PTPRD: variants seen among roughly 807,000 people sequenced by gnomAD.
The protein encoded by PTPRD is receptor-type tyrosine-protein phosphatase delta.
PTPRD carries 34 observed loss-of-function variants against 214.5 expected under a neutral mutation model. That is an observed-to-expected ratio of 0.16 (90% CI 0.12 to 0.21). PTPRD has a LOEUF of 0.21. Among genes scored for constraint, PTPRD ranks in the 10% least tolerant of loss-of-function variants. The probability of loss-of-function intolerance (pLI) is 1.00; values close to 1 mark genes in which losing one functional copy is unlikely to be tolerated. For synonymous variants in PTPRD, 1,128 were observed against 845.7 expected, an observed-to-expected ratio of 1.33 and a Z score of -5.79; for missense variants, 2,545 against 2,398.7, an observed-to-expected ratio of 1.06 and a Z score of -1.27.
intron 2 of PTPRD, among the ~76,000 whole-genome samples, chr9:10,582,947 G>C (rs2072490478): frequency 6.6e-6 from 1 of 152,170 alleles, no homozygotes; most frequent in Admixed American, 6.5e-5. Flanking sequence ...AGGATAGAGG[G>C]AGGAAAAAAT....
At chr9:10,429,664 A>G (rs953654848) in intron 2 of PTPRD, among the ~76,000 whole-genome samples, 1 of 151,424 alleles carries the variant, frequency 6.6e-6, no homozygotes, top group South Asian at 2.1e-4. Flanking sequence ...TAATATATAG[A>G]TATATATTCT....
chr9:8,681,895 A>C (rs990327537), intron 12 of PTPRD, among the ~76,000 whole-genome samples: 2 of 152,204 alleles, frequency 1.3e-5, no homozygotes, highest in Admixed American at 6.5e-5. Context: ...ACATTCTTGG[A>C]AACCAGTACA....
At chr9:9,775,008 T>C (rs974807236) in intron 5 of PTPRD, among the ~76,000 whole-genome samples, 2 of 152,158 alleles carry the variant, frequency 1.3e-5, no homozygotes, top group African/African-American at 4.8e-5. Flanking sequence ...AAATGTAGCA[T>C]TAGTACCTGA....
chr9:9,610,193 T>C (rs904412673), intron 7 of PTPRD, among the ~76,000 whole-genome samples: 6 of 152,138 alleles, frequency 3.9e-5, no homozygotes, highest in African/African-American at 1.4e-4. Flanking sequence ...TTCAACGTAA[T>C]AAGAGCCACG....
chr9:8,502,863 T>TATATATAC (rs1554658869), intron 23 of PTPRD, among the ~76,000 whole-genome samples: 23 of 150,348 alleles, frequency 1.5e-4, no homozygotes, highest in South Asian at 4.2e-4. Flanking sequence ...TATATATATA[T>TATATATAC]ACACACACAC....
chr9:10,549,505 T>A (rs2060852964), intron 2 of PTPRD, among the ~76,000 whole-genome samples: 2 of 152,140 alleles, frequency 1.3e-5, no homozygotes, highest in Admixed American at 6.5e-5. Flanking sequence ...CAGGACTCAT[T>A]CCAGCAGAGA....
intron 3 of PTPRD, among the ~76,000 whole-genome samples, chr9:10,148,508 C>A (rs975603880): frequency 1.3e-5 from 2 of 152,074 alleles, no homozygotes; most frequent in African/African-American, 4.8e-5. Context: ...TCACAGTATG[C>A]TATGTATCAT....
chr9:10,583,813 T>C (rs1248114271), intron 2 of PTPRD, among the ~76,000 whole-genome samples: 8 of 152,122 alleles, frequency 5.3e-5, no homozygotes, highest in African/African-American at 1.7e-4. Flanking sequence ...TATTGATAGC[T>C]ATGCTCTTTG....
intron 3 of PTPRD, among the ~76,000 whole-genome samples, chr9:10,325,964 T>C (rs955441468): frequency 1.3e-5 from 2 of 151,878 alleles, no homozygotes; most frequent in Non-Finnish European, 2.9e-5. Context: ...TGCTTTCAGA[T>C]CATTTTGTTT....
At chr9:9,065,708 T>C (rs991172662) in intron 10 of PTPRD, among the ~76,000 whole-genome samples, 7 of 152,164 alleles carry the variant, frequency 4.6e-5, no homozygotes, top group African/African-American at 1.2e-4. Context: ...ATCAGAGTTT[T>C]AGACTACAAA....
At position 10,600,832 on chromosome 9, in the gene PTPRD, C is replaced by A. The variant is rs184287359; in HGVS notation, c.-600+11566G>T. Among the ~76,000 whole-genome samples the A allele has an allele frequency of 9.9e-5, 15 of 151,780 alleles. No homozygotes were observed. The East Asian group carries it at 2.5e-3, about 26-fold the overall frequency. ...CTCATACAGAGTACTATATATGATACTCTGAAATCAGATTCAAAATTAGTG... is the reference window on the plus strand; with the variant it reads ...CTCATACAGAGTACTATATATGATAATCTGAAATCAGATTCAAAATTAGTG... On this transcript the variant is annotated intron_variant, in intron 2 of 45. Transcript: ENST00000381196.
At chr9:9,255,967 G>C (rs2099977524) in intron 9 of PTPRD, among the ~76,000 whole-genome samples, 1 of 151,976 alleles carries the variant, frequency 6.6e-6, no homozygotes, top group Admixed American at 6.6e-5. Flanking sequence ...TCAGTTTTTG[G>C]ATTACAGGGC....
At chr9:10,434,378 A>G (rs2098703417) in intron 2 of PTPRD, among the ~76,000 whole-genome samples, 1 of 151,952 alleles carries the variant, frequency 6.6e-6, no homozygotes. Flanking sequence ...AGTTCAATTA[A>G]TAACTAAAAT....
At chr9:9,111,220 A>AG (rs570378740) in intron 10 of PTPRD, among the ~76,000 whole-genome samples, 87 of 151,966 alleles carry the variant, frequency 5.7e-4, no homozygotes, top group Non-Finnish European at 1.1e-3. Flanking sequence ...GAAAAAAAAA[A>AG]AAAAGAAAAG....
rs1191367665 is a variant in PTPRD at position 9,665,129 on chromosome 9, A to C, written c.-287+69404T>G. On this transcript the variant is annotated intron_variant, in intron 7 of 45. Coordinates refer to ENST00000381196, the MANE Select transcript of PTPRD (RefSeq NM_002839.4). The stretch of plus-strand genomic sequence containing the variant: ...CATCTATGTGTGTATGTGGGGAGAG[A>C]GAGAGGGGTGAGGAATAATTACTCA... Among the ~76,000 whole-genome samples the C allele has an allele frequency of 2.0e-5, 3 of 151,620 alleles. No individual in the cohort carries two copies. The Admixed American group carries it at 2.0e-4, about 10-fold the overall frequency.
chr9:9,513,612 C>CAT (rs34292458), intron 8 of PTPRD, among the ~76,000 whole-genome samples: 136,331 of 151,178 alleles, frequency 0.9, 61,693 homozygotes, highest in African/African-American at 0.98. Context: ...TAAAAAATCT[C>CAT]AGTCTCATTT....
At chr9:10,097,034 G>A (rs1189099258) in intron 3 of PTPRD, among the ~76,000 whole-genome samples, 1 of 151,836 alleles carries the variant, frequency 6.6e-6, no homozygotes, top group Non-Finnish European at 1.5e-5. Flanking sequence ...GTTTGTCAAA[G>A]ATCAGATAGT....
At chr9:10,511,461 T>C (rs1310190368) in intron 2 of PTPRD, among the ~76,000 whole-genome samples, 2 of 152,078 alleles carry the variant, frequency 1.3e-5, no homozygotes, top group African/African-American at 2.4e-5. Flanking sequence ...TGTAGTGCGA[T>C]GGTGCTATCT....
intron 4 of PTPRD, among the ~76,000 whole-genome samples, chr9:9,982,690 AG>A (rs1350965424): frequency 6.6e-6 from 1 of 152,218 alleles, no homozygotes; most frequent in Non-Finnish European, 1.5e-5. Flanking sequence ...TCCTATGATT[AG>A]TTTTTGTTTT....
Sources: allele counts gnomAD v4.1 joint callset (sites outside exome capture counted in the v4.1 genomes callset), GRCh38; gene constraint gnomAD v4.1.1; transcripts MANE v1.5; gene names NCBI Gene and HGNC (gene_info 2026-07-23, HGNC 2026-07-21).